RIT2: variants seen among roughly 807,000 people sequenced by gnomAD.
RIT2 encodes the protein GTP-binding protein Rit2.
A neutral mutation model predicts 23.7 loss-of-function variants in RIT2; 24 were observed. That is an observed-to-expected ratio of 1.01 (90% confidence interval 0.73 to 1.43). The LOEUF (loss-of-function observed/expected upper bound fraction) is 1.43, where lower values mean the gene tolerates loss of function less well. Ranked by LOEUF, RIT2 falls within the 40% of genes most tolerant of loss-of-function variation. The pLI is 0.00. For synonymous variants in RIT2, 107 were observed against 91.1 expected (o/e 1.17, Z -0.99); for missense variants, 236 against 266.9 (o/e 0.88, Z 0.81).
intron 2 of RIT2, among the ~76,000 whole-genome samples, chr18:42,989,003 C>T (rs950681515): frequency 3.3e-5 from 5 of 152,214 alleles, no homozygotes; most frequent in African/African-American, 1.2e-4. Context: ...TCTTGTTCCC[C>T]AAGCTTGCTG....
At chr18:42,947,405 A>G (rs1448161308) in intron 3 of RIT2, among the ~76,000 whole-genome samples, 2 of 152,084 alleles carry the variant, frequency 1.3e-5, no homozygotes, top group East Asian at 1.9e-4. Flanking sequence ...TCAATGAGTG[A>G]ATCTTTCATT....
chr18:42,952,118 G>A (rs1297734565), intron 3 of RIT2, among the ~76,000 whole-genome samples: 1 of 152,074 alleles, frequency 6.6e-6, no homozygotes, highest in Non-Finnish European at 1.5e-5. Context: ...TGTTACATGG[G>A]TATTATGGGA....
At chr18:43,027,766 C>G (rs1030926963) in intron 2 of RIT2, among the ~76,000 whole-genome samples, 1 of 152,008 alleles carries the variant, frequency 6.6e-6, no homozygotes, top group Admixed American at 6.6e-5. Context: ...TAAAGTGAGA[C>G]CAGGCTTCAC....
intron 4 of RIT2, among the ~76,000 whole-genome samples, chr18:42,778,694 C>CCT (rs35049037): frequency 6.6e-6 from 1 of 151,810 alleles, no homozygotes; most frequent in Non-Finnish European, 1.5e-5. Flanking sequence ...TATCCTTTCT[C>CCT]GAGTCCTAGC....
At chr18:43,070,085 G>A (rs1439931146) in intron 1 of RIT2, among the ~76,000 whole-genome samples, 1 of 152,132 alleles carries the variant, frequency 6.6e-6, no homozygotes, top group Non-Finnish European at 1.5e-5. Context: ...AGCAAAGCAA[G>A]GAAAGTATGT....
At chr18:42,811,013 G>A (rs988960748) in intron 4 of RIT2, among the ~76,000 whole-genome samples, 2 of 151,902 alleles carry the variant, frequency 1.3e-5, no homozygotes, top group African/African-American at 4.8e-5. Flanking sequence ...CTCACTTTGG[G>A]ATGATAGACT....
intron 1 of RIT2, among the ~76,000 whole-genome samples, chr18:43,042,853 A>G (rs985037315): frequency 5.3e-5 from 8 of 152,296 alleles, no homozygotes; most frequent in Non-Finnish European, 1.2e-4. Flanking sequence ...CAAAAAATAA[A>G]ATTATTATAG....
intron 3 of RIT2, among the ~76,000 whole-genome samples, chr18:42,955,272 A>T (rs1909945904): frequency 6.6e-6 from 1 of 152,206 alleles, no homozygotes; most frequent in Non-Finnish European, 1.5e-5. Context: ...GCAGAAGAGC[A>T]GACACCAGAG....
intron 3 of RIT2, among the ~76,000 whole-genome samples, chr18:42,964,607 C>T (rs1269834709): frequency 6.6e-6 from 1 of 152,134 alleles, no homozygotes; most frequent in African/African-American, 2.4e-5. Flanking sequence ...GCATGAACGA[C>T]TATGTTTTCC....
chr18:42,792,564 T>C (rs998401855), intron 4 of RIT2, among the ~76,000 whole-genome samples: 5 of 152,188 alleles, frequency 3.3e-5, no homozygotes, highest in Non-Finnish European at 5.9e-5. Context: ...CATTTTCATA[T>C]TCATTCTCTA....
intron 1 of RIT2, among the ~76,000 whole-genome samples, chr18:43,063,486 C>T (rs1043922195): frequency 6.6e-6 from 1 of 152,076 alleles, no homozygotes; most frequent in Non-Finnish European, 1.5e-5. Context: ...TAGGCATTAA[C>T]AATTTTAACA....
At chr18:42,905,872 G>T (rs1248876877) in intron 4 of RIT2, among the ~76,000 whole-genome samples, 2 of 150,584 alleles carry the variant, frequency 1.3e-5, no homozygotes, top group African/African-American at 4.9e-5. Flanking sequence ...CAGGTAGGTG[G>T]CTGGCTTTAG....
intron 4 of RIT2, among the ~76,000 whole-genome samples, chr18:42,874,289 T>C (rs1488277716): frequency 6.6e-6 from 1 of 152,164 alleles, no homozygotes; most frequent in African/African-American, 2.4e-5. Context: ...AAATCTTTAA[T>C]GGACTCTTGC....
chr18:42,859,040 ATATGGTTT>A (rs1169077589), intron 4 of RIT2, among the ~76,000 whole-genome samples: 1 of 152,182 alleles, frequency 6.6e-6, no homozygotes, highest in East Asian at 1.9e-4. Flanking sequence ...TTAGGTGGAC[ATATGGTTT>A]TATTTCTTTT....
At chr18:42,757,583 AC>A (rs1913193297) in intron 4 of RIT2, among the ~76,000 whole-genome samples, 1 of 152,216 alleles carries the variant, frequency 6.6e-6, no homozygotes, top group Non-Finnish European at 1.5e-5. Context: ...CCAATATTCT[AC>A]GTTTTCTGGC....
intron 1 of RIT2, among the ~76,000 whole-genome samples, chr18:43,105,469 G>A (rs923646573): frequency 2.2e-5 from 3 of 137,736 alleles, no homozygotes; most frequent in African/African-American, 7.9e-5. Context: ...AGGAAGGGAG[G>A]AAGAGAGGAA....
intron 4 of RIT2, among the ~76,000 whole-genome samples, chr18:42,902,217 A>G (rs1313658050): frequency 2.6e-5 from 4 of 151,772 alleles, no homozygotes; most frequent in Non-Finnish European, 5.9e-5. Flanking sequence ...GATAAACAGA[A>G]GCTCTTTGGG....
chr18:43,006,713 A>T (rs1362153141), intron 2 of RIT2, among the ~76,000 whole-genome samples: 1 of 151,630 alleles, frequency 6.6e-6, no homozygotes, highest in Non-Finnish European at 1.5e-5. Flanking sequence ...CATGACATGC[A>T]AAGAAGTTCC....
chr18:43,014,931 A>G (rs1240255082), intron 2 of RIT2, among the ~76,000 whole-genome samples: 1 of 151,942 alleles, frequency 6.6e-6, no homozygotes, highest in African/African-American at 2.4e-5. Context: ...TATTGCATGT[A>G]GAATAGCCAG....
Sources: gnomAD v4.1 joint callset for allele counts (sites outside exome capture counted in the v4.1 genomes callset) on GRCh38, gnomAD v4.1.1 for gene constraint, MANE v1.5 for transcripts, NCBI Gene and HGNC (gene_info 2026-07-23, HGNC 2026-07-21) for gene names.